Variants in AP3D1 observed in about 807,000 individuals in gnomAD.
The protein encoded by AP3D1 is AP-3 complex subunit delta-1.
Under a neutral mutation model 147.6 loss-of-function variants are expected in AP3D1, and 51 were observed. The observed-to-expected ratio is 0.35, with a 90% confidence interval of 0.28 to 0.44. AP3D1 has a LOEUF of 0.44. Ranked by LOEUF, AP3D1 falls within the 20% of genes least tolerant of loss-of-function variation. The probability of loss-of-function intolerance (pLI) is 1.00; values close to 1 mark genes in which losing one functional copy is unlikely to be tolerated. For missense variants in AP3D1, 1,421 were observed against 1,624.2 expected (o/e 0.87, Z 2.15); for synonymous variants, 760 against 663.0 (o/e 1.15, Z -2.25).
At chr19:2,123,939 T>G in intron 9 of AP3D1, 60 bp from the exon 10 acceptor site, 1 of 1,536,454 alleles carries the variant, frequency 6.5e-7, no homozygotes, top group Non-Finnish European at 8.8e-7. Context: ...CGACACCAAC[T>G]CAGGGCCACG....
chr19:2,158,730 A>G (rs768511041), intron 1 of AP3D1, among the ~76,000 whole-genome samples: 46 of 151,520 alleles, frequency 3.0e-4, no homozygotes, highest in Non-Finnish European at 4.6e-4. Context: ...CAGCTTCCCT[A>G]GGAGCCACCA....
In AP3D1 at chr19:2,151,502, G is replaced by C. The variant is rs1000894371; in HGVS notation, c.-168C>G. ...GTCCAAGGACCGCGGCAGAGGCGGC[G>C]ACCCGCTCGGCAGGTGCCGCGATCC... On this transcript the variant is annotated 5_prime_UTR_variant, in exon 1 of 32. Coordinates refer to ENST00000643116, the MANE Select transcript of AP3D1 (RefSeq NM_001261826.3). The C allele has an allele frequency of 2.5e-5, 5 of 198,028 alleles. No individual in the cohort carries two copies. The highest frequency in any genetic ancestry group is 6.4e-5 in the Admixed American group (1 of 15,646). 12.3% of individuals were successfully genotyped at this position (198,028 alleles called of 1,614,324 possible).
chr19:2,111,827 T>C lies in AP3D1; in HGVS notation c.2789A>G (p.Lys930Arg), dbSNP rs747848580. The C allele has an allele frequency of 8.1e-6, 13 of 1,613,784 alleles. No individual in the cohort carries two copies. In the East Asian group the frequency reaches 2.9e-4, roughly 36 times the overall value. Residue 930 changes from lysine to arginine, a missense_variant and splice_region_variant, in exon 25 of 32, where the codon AAA becomes AGA. By Grantham distance (26) the Lys-to-Arg change is conservative. Transcript: ENST00000643116. The part of the protein sequence containing the change: ...DDAEGQDQDK[K>R]SPKPKKKKHR... ...CTTCTTCTTCTTAGGCTTGGGAGATTTCTGGAGCAAGAGGAGGGTCGGGTT... is the reference window on the plus strand; with the variant it reads ...CTTCTTCTTCTTAGGCTTGGGAGATCTCTGGAGCAAGAGGAGGGTCGGGTT...
chr19:2,143,729 T>C (rs1599492059), intron 1 of AP3D1, among the ~76,000 whole-genome samples: 2 of 151,718 alleles, frequency 1.3e-5, no homozygotes, highest in Admixed American at 6.6e-5. Flanking sequence ...ATCGCACCAC[T>C]GCACTCCAGC....
intron 31 of AP3D1, among the ~76,000 whole-genome samples, chr19:2,104,563 A>T (rs2018057304): frequency 6.6e-6 from 1 of 151,680 alleles, no homozygotes; most frequent in Admixed American, 6.6e-5. Context: ...CACCAATGCC[A>T]AGGCCATTGG....
At chr19:2,104,811 C>T (rs112377915) in intron 31 of AP3D1, among the ~76,000 whole-genome samples, 2 of 151,964 alleles carry the variant, frequency 1.3e-5, no homozygotes, top group African/African-American at 4.8e-5. Flanking sequence ...GGACTACAGG[C>T]TCACTGTACT....
chr19:2,129,345 G>A lies in AP3D1; in HGVS notation c.705C>T (p.Asn235=), dbSNP rs777470753. The A allele has an allele frequency of 3.7e-6, 6 of 1,614,058 alleles. No individual in the cohort carries two copies. The highest frequency in any genetic ancestry group is 5.1e-6 in the Non-Finnish European group (6 of 1,180,018). ...GCTTGATGATCTTGATGAGGACCCA[G>A]TTGTTGGTGGAGGACGTCATCAGCT... ...FFKLMTSSTN[N]WVLIKIIKLF... is the part of the protein sequence containing the mutation. Residue 235 remains asparagine, a synonymous_variant, in exon 7 of 32, where the codon AAC becomes AAT. Coordinates refer to ENST00000643116, the MANE Select transcript of AP3D1 (RefSeq NM_001261826.3).
intron 16 of AP3D1, 189 bp from the exon 17 acceptor site, chr19:2,116,935 C>A: frequency 2.2e-6 from 2 of 904,058 alleles, no homozygotes; most frequent in East Asian, 2.8e-5. Context: ...AGGAAGACTG[C>A]GGCAGGGTCA....
intron 8 of AP3D1, among the ~76,000 whole-genome samples, 161 bp from the exon 9 acceptor site, chr19:2,127,362 C>T (rs557539650): frequency 3.9e-5 from 6 of 152,304 alleles, no homozygotes; most frequent in Admixed American, 1.3e-4. Context: ...CTGTGGTGCT[C>T]GGCTGGTCAT....
intron 6 of AP3D1, among the ~76,000 whole-genome samples, chr19:2,129,777 G>C (rs550546742): frequency 1.3e-5 from 2 of 152,240 alleles, no homozygotes; most frequent in Non-Finnish European, 2.9e-5. Context: ...GAGGGCTCCA[G>C]AAACAGCTGC....
chr19:2,123,827 T>C lies in AP3D1; in HGVS notation c.906+3A>G, dbSNP rs780231378. 15 of 1,571,700 alleles carry C rather than the reference T, an allele frequency of 9.5e-6. No individual in the cohort carries two copies. Among genetic ancestry groups the C allele is most frequent in the Non-Finnish European group, 1.3e-5 (15 of 1,158,720 alleles). ...CATGGGCCCCGCCCAGTGCGGGACG[T>C]ACCTGGATGCTGGCGCTGTGGTTGG... On this transcript the variant is annotated splice_donor_region_variant and intron_variant, in intron 10 of 31. Coordinates refer to ENST00000643116, the MANE Select transcript of AP3D1 (RefSeq NM_001261826.3).
chr19:2,150,776 C>T (rs1359851030), intron 1 of AP3D1, among the ~76,000 whole-genome samples: 1 of 152,152 alleles, frequency 6.6e-6, no homozygotes, highest in African/African-American at 2.4e-5. Context: ...GGGGCGGGGC[C>T]CGGGCCCCTG....
rs988327025 is a variant in AP3D1 at position 2,114,832 on chromosome 19, G to A, written c.2350-11C>T. The A allele has an allele frequency of 1.9e-6, 3 of 1,613,906 alleles. No homozygotes were observed. Among genetic ancestry groups the A allele is most frequent in the Admixed American group, 1.7e-5 (1 of 60,018 alleles). On this transcript the variant is annotated splice_polypyrimidine_tract_variant and intron_variant, in intron 20 of 31. Coordinates refer to ENST00000643116, the MANE Select transcript of AP3D1 (RefSeq NM_001261826.3). ...GCTGGGCAGAGCATTCTGACAGGAAGAGAGGAACCCCATCACTGGAACCCG... is the reference window on the plus strand; with the variant it reads ...GCTGGGCAGAGCATTCTGACAGGAAAAGAGGAACCCCATCACTGGAACCCG...
chr19:2,115,240 G>T lies in AP3D1; in HGVS notation c.2328C>A (p.Ile776=). The part of the protein sequence containing the change: ...EDIAPAQQVD[I]VTEEMPENAL... ...TGACCTCAGGCATCTCCTCTGTGAC[G>T]ATGTCCACCTGCTGGGCAGGGGCGA... is the stretch of plus-strand genomic sequence containing the variant. Residue 776 remains isoleucine (I), a synonymous_variant, in exon 20 of 32, where the codon ATC becomes ATA. Transcript: ENST00000643116. 1 of 1,613,416 alleles carries T rather than the reference G, an allele frequency of 6.2e-7. No individual in the cohort carries two copies. The highest frequency in any genetic ancestry group is 8.5e-7 in the Non-Finnish European group (1 of 1,179,964).
At chr19:2,117,023 G>A in intron 16 of AP3D1, 199 bp downstream of exon 16, 2 of 815,568 alleles carry the variant, frequency 2.5e-6, no homozygotes, top group South Asian at 2.1e-5. Context: ...TTCGCAGGGA[G>A]CATCCCCAGG....
rs975605697 is a variant in AP3D1, at chr19:2,115,693, C to A, written c.2074-80G>T. On this transcript the variant is annotated intron_variant, in intron 18 of 31. Transcript: ENST00000643116. ...AGACAAGCCTCGGGGATGCAGGGAG[C>A]GTGACGCAGCCCCAACATCCTAAGG... 6.3e-6 allele frequency: 9 copies of A among 1,429,554 alleles called. No homozygotes were observed. The African/African-American group carries it at 7.1e-5, about 11-fold the overall frequency. 88.6% of individuals were successfully genotyped at this position (1,429,554 alleles called of 1,614,324 possible).
At chr19:2,117,172 G>T (rs2018479544) in intron 16 of AP3D1, 50 bp downstream of exon 16, 13 of 1,530,694 alleles carry the variant, frequency 8.5e-6, no homozygotes, top group Non-Finnish European at 1.1e-5. Flanking sequence ...CAGGCATCAA[G>T]GGACCATGTC....
In AP3D1 at chr19:2,137,660, C is replaced by T; in HGVS notation, c.273+67G>A. 3 of 1,326,298 alleles carry T rather than the reference C, an allele frequency of 2.3e-6. No homozygotes were observed. The South Asian group carries it at 3.6e-5, about 16-fold the overall frequency. 82.2% of individuals were successfully genotyped at this position (1,326,298 alleles called of 1,614,324 possible). A position where few individuals can be genotyped will look rare whatever the true frequency, so the allele number is the denominator to read the frequency against. Reference sequence around the variant, plus strand: ...CAAGAATAATAATAATAAAAATTGGCCAGTCACGGTGCCTCACACCTGTAA... The same window carrying T: ...CAAGAATAATAATAATAAAAATTGGTCAGTCACGGTGCCTCACACCTGTAA... On this transcript the variant is annotated intron_variant, in intron 3 of 31. Coordinates refer to ENST00000643116, the MANE Select transcript of AP3D1 (RefSeq NM_001261826.3).
intron 31 of AP3D1, among the ~76,000 whole-genome samples, chr19:2,103,189 G>A (rs1219616580): frequency 6.6e-6 from 1 of 151,900 alleles, no homozygotes; most frequent in Non-Finnish European, 1.5e-5. Context: ...TGTATGTGTT[G>A]TCCTTTTAAT....
Sources: gnomAD v4.1 joint callset for allele counts (sites outside exome capture counted in the v4.1 genomes callset) on GRCh38, gnomAD v4.1.1 for gene constraint, MANE v1.5 for transcripts, NCBI Gene and HGNC (gene_info 2026-07-23, HGNC 2026-07-21) for gene names.